SRGAP3: variants seen among roughly 807,000 people sequenced by gnomAD.
The protein encoded by SRGAP3 is SLIT-ROBO Rho GTPase-activating protein 3.
SRGAP3 carries 39 observed loss-of-function variants against 121.1 expected under a neutral mutation model. The observed-to-expected ratio is 0.32, with a 90% CI of 0.25 to 0.42. SRGAP3 has a LOEUF of 0.42. Ranked by LOEUF, SRGAP3 falls within the 10% of genes least tolerant of loss-of-function variation. The pLI, the probability that SRGAP3 is intolerant of heterozygous loss-of-function variation, is 1.00. For synonymous variants in SRGAP3, 601 were observed against 570.0 expected, an observed-to-expected ratio of 1.05 and a Z score of -0.77; for missense variants, 1,213 against 1,470.6, an observed-to-expected ratio of 0.82 and a Z score of 2.86.
At chr3:9,006,277 C>G (rs1280584861) in intron 18 of SRGAP3, among the ~76,000 whole-genome samples, 2 of 151,526 alleles carry the variant, frequency 1.3e-5, no homozygotes, top group Non-Finnish European at 2.9e-5. Flanking sequence ...GTACATGCCT[C>G]TAATCCCAGC....
intron 14 of SRGAP3, 107 bp downstream of exon 14, chr3:9,025,154 C>G: frequency 8.5e-7 from 1 of 1,170,416 alleles, no homozygotes; most frequent in Non-Finnish European, 1.3e-6. Flanking sequence ...TCAGCTCCTG[C>G]AAACCACTGC....
At chr3:9,315,567 G>A (rs547462598) in intron 3 of SRGAP3, among the ~76,000 whole-genome samples, 4 of 152,180 alleles carry the variant, frequency 2.6e-5, no homozygotes, top group South Asian at 4.1e-4. Flanking sequence ...AACCTCTTAC[G>A]TGAAGTTTAT....
intron 1 of SRGAP3, among the ~76,000 whole-genome samples, chr3:9,224,264 C>T (rs892998973): frequency 2.0e-5 from 3 of 152,154 alleles, no homozygotes; most frequent in South Asian, 2.1e-4. Flanking sequence ...AAGGCTGAGC[C>T]GGTCAGGACC....
At chr3:9,276,432 T>C (rs919733276) in intron 3 of SRGAP3, among the ~76,000 whole-genome samples, 1 of 151,432 alleles carries the variant, frequency 6.6e-6, no homozygotes, top group Non-Finnish European at 1.5e-5. Context: ...CTGTTTGTTT[T>C]TTTTTTTTTT....
intron 1 of SRGAP3, among the ~76,000 whole-genome samples, chr3:9,237,250 C>T (rs1011226376): frequency 6.6e-6 from 1 of 152,130 alleles, no homozygotes. Flanking sequence ...ACACCCATTG[C>T]CCCCAGGGGA....
chr3:9,213,781 G>A (rs536120078), intron 1 of SRGAP3, among the ~76,000 whole-genome samples: 7 of 152,274 alleles, frequency 4.6e-5, no homozygotes, highest in Admixed American at 3.3e-4. Context: ...TCTCTGCCTC[G>A]TTCTCAGTTC....
chr3:9,087,365 G>T (rs1426607390), intron 3 of SRGAP3, among the ~76,000 whole-genome samples: 1 of 151,984 alleles, frequency 6.6e-6, no homozygotes, highest in Non-Finnish European at 1.5e-5. Context: ...AGGCTAGGAA[G>T]TTGCCCAGAG....
At chr3:9,065,926 T>C (rs1022924787) in intron 4 of SRGAP3, among the ~76,000 whole-genome samples, 2 of 152,202 alleles carry the variant, frequency 1.3e-5, no homozygotes, top group African/African-American at 2.4e-5. Flanking sequence ...TCACTTTTAA[T>C]CCACCACTTT....
chr3:9,056,397 G>A, intron 7 of SRGAP3, 63 bp from the exon 8 acceptor site: 1 of 1,544,820 alleles, frequency 6.5e-7, no homozygotes, highest in Non-Finnish European at 8.9e-7. Context: ...GTGGAGCTAG[G>A]GCAGGGGCTA....
chr3:9,287,754 T>A (rs1415767708), intron 3 of SRGAP3, among the ~76,000 whole-genome samples: 1 of 152,216 alleles, frequency 6.6e-6, no homozygotes, highest in Non-Finnish European at 1.5e-5. Context: ...CCTAAATACA[T>A]GAAAATTTTA....
chr3:9,168,115 A>T (rs1050884705), intron 1 of SRGAP3, among the ~76,000 whole-genome samples: 5 of 152,232 alleles, frequency 3.3e-5, no homozygotes, highest in African/African-American at 1.2e-4. Context: ...ATCCAAGGGT[A>T]TAACTAGCAA....
At chr3:9,060,495 T>G (rs969740917) in intron 5 of SRGAP3, 136 bp from the exon 6 acceptor site, 1 of 1,207,628 alleles carries the variant, frequency 8.3e-7, no homozygotes, top group South Asian at 1.4e-5. Flanking sequence ...GGTGTGATCA[T>G]AGCTCACTTC....
At chr3:9,008,662 C>G (rs1164761650) in intron 18 of SRGAP3, among the ~76,000 whole-genome samples, 1 of 152,186 alleles carries the variant, frequency 6.6e-6, no homozygotes, top group Non-Finnish European at 1.5e-5. Context: ...TTCACATCTC[C>G]AAACAAAGCC....
intron 2 of SRGAP3, among the ~76,000 whole-genome samples, chr3:9,121,559 C>A (rs1949004837): frequency 1.3e-5 from 2 of 152,222 alleles, no homozygotes; most frequent in East Asian, 3.9e-4. Context: ...CCTGGGCCGG[C>A]ACCCTAATTA....
At chr3:9,160,720 T>C (rs1950576149) in intron 1 of SRGAP3, among the ~76,000 whole-genome samples, 1 of 152,212 alleles carries the variant, frequency 6.6e-6, no homozygotes, top group Non-Finnish European at 1.5e-5. Flanking sequence ...ATATTACATA[T>C]GTGAAGAATT....
At chr3:9,031,686 G>C (rs1481130891) in intron 12 of SRGAP3, among the ~76,000 whole-genome samples, 2 of 152,192 alleles carry the variant, frequency 1.3e-5, no homozygotes, top group African/African-American at 4.8e-5. Flanking sequence ...GACCCTGTCT[G>C]AGGATCACAA....
intron 3 of SRGAP3, among the ~76,000 whole-genome samples, chr3:9,306,340 A>T (rs1559269498): frequency 6.6e-6 from 1 of 152,098 alleles, no homozygotes; most frequent in Non-Finnish European, 1.5e-5. Flanking sequence ...TAGATTGCAA[A>T]AATTTTCTCC....
chr3:9,294,784 C>T (rs139951942), intron 3 of SRGAP3, among the ~76,000 whole-genome samples: 3 of 150,914 alleles, frequency 2.0e-5, no homozygotes, highest in Non-Finnish European at 3.0e-5. Context: ...CAGCTCCCCC[C>T]ACCTGTGACA....
intron 5 of SRGAP3, among the ~76,000 whole-genome samples, chr3:9,061,507 A>G (rs1326196203): frequency 6.6e-6 from 1 of 150,836 alleles, no homozygotes; most frequent in Non-Finnish European, 1.5e-5. Context: ...TACCTCTCCC[A>G]CTCCCTCTGC....
Sources: gnomAD v4.1 joint callset for allele counts (sites outside exome capture counted in the v4.1 genomes callset) on GRCh38, gnomAD v4.1.1 for gene constraint, MANE v1.5 for transcripts, NCBI Gene and HGNC (gene_info 2026-07-23, HGNC 2026-07-21) for gene names.